WHRN: variants seen among roughly 807,000 people sequenced by gnomAD.
WHRN encodes the protein CASK-interacting protein CIP98.
Under a neutral mutation model 68.3 loss-of-function variants are expected in WHRN, and 41 were observed. That is an observed-to-expected ratio of 0.60 (90% confidence interval 0.47 to 0.78). The LOEUF (loss-of-function observed/expected upper bound fraction) is 0.78. Ranked by LOEUF, WHRN falls within the 30% of genes least tolerant of loss-of-function variation. The pLI is 0.00. For synonymous variants in WHRN, 560 were observed against 561.3 expected, an observed-to-expected ratio of 1.00 and a Z score of 0.03; for missense variants, 1,243 against 1,244.7, an observed-to-expected ratio of 1.00 and a Z score of 0.02.
At chr9:114,412,133 C>A (rs1362940282) in intron 7 of WHRN, among the ~76,000 whole-genome samples, 1 of 152,192 alleles carries the variant, frequency 6.6e-6, no homozygotes, top group Middle Eastern at 3.2e-3. Flanking sequence ...CGGAGCCCAG[C>A]CCTCTGAGCC....
At chr9:114,426,576 T>C (rs553089872) in intron 3 of WHRN, among the ~76,000 whole-genome samples, 163 bp from the exon 4 acceptor site, 89 of 152,298 alleles carry the variant, frequency 5.8e-4, no homozygotes, top group South Asian at 1.2e-3. Context: ...AGCAAGTCAA[T>C]AGCAGTGCTG....
chr9:114,411,021 G>A (rs1325238698), intron 7 of WHRN, among the ~76,000 whole-genome samples: 1 of 152,242 alleles, frequency 6.6e-6, no homozygotes, highest in Non-Finnish European at 1.5e-5. Context: ...CTTAGGCAGT[G>A]GACATGTTAA....
intron 1 of WHRN, among the ~76,000 whole-genome samples, chr9:114,502,873 G>T (rs1466845558): frequency 6.6e-6 from 1 of 152,218 alleles, no homozygotes; most frequent in African/African-American, 2.4e-5. Flanking sequence ...TATATGGAAT[G>T]CTAAACAAAG....
Position 114,504,992 on chromosome 9 carries a change from G to A in WHRN, c.-191C>T, listed in dbSNP as rs1237345822. The A allele has an allele frequency of 2.5e-6, 2 of 806,630 alleles. No homozygotes were observed. The highest frequency in any genetic ancestry group is 7.0e-5 in the East Asian group (2 of 28,464). The allele number at this position is 806,630 out of a possible 1,614,324, so 50.0% of individuals were successfully genotyped here. ...AGACCGCTGCTAGAGTCCCGGAGGC[G>A]CGAAGACGGCGGGGGTCGCGAACCT... On this transcript the variant is annotated 5_prime_UTR_variant, in exon 1 of 12. Coordinates refer to ENST00000362057, the MANE Select transcript of WHRN (RefSeq NM_015404.4).
rs75714247 is a variant in WHRN, at chr9:114,417,508, A to G, written c.1626+5806T>C. Among the ~76,000 whole-genome samples, 694 of 152,278 alleles carry G rather than the reference A, an allele frequency of 4.6e-3. 3 individuals carry two copies. Among genetic ancestry groups the G allele is most frequent in the African/African-American group, 0.016 (660 of 41,554 alleles). ...TCTGTTCCACACTTTCTGGGCCTCCATTTTGCACCAGCTCTCGCTGTTTAT... is the reference window on the plus strand; with the variant it reads ...TCTGTTCCACACTTTCTGGGCCTCCGTTTTGCACCAGCTCTCGCTGTTTAT... On this transcript the variant is annotated intron_variant, in intron 7 of 11. Transcript: ENST00000362057.
intron 1 of WHRN, among the ~76,000 whole-genome samples, chr9:114,500,860 C>A (rs570690553): frequency 6.6e-6 from 1 of 152,292 alleles, no homozygotes; most frequent in South Asian, 2.1e-4. Flanking sequence ...AGTGTATAAC[C>A]CATCAATTTC....
chr9:114,469,017 C>T (rs147796388), intron 2 of WHRN, among the ~76,000 whole-genome samples: 181 of 152,354 alleles, frequency 1.2e-3, no homozygotes, highest in African/African-American at 4.0e-3. Context: ...CTTCACCTCT[C>T]TGTGCCTCAG....
At chr9:114,488,658 G>T (rs1264438645) in intron 1 of WHRN, among the ~76,000 whole-genome samples, 1 of 152,218 alleles carries the variant, frequency 6.6e-6, no homozygotes, top group East Asian at 1.9e-4. Context: ...GGACTGGAAA[G>T]TCCCTTCCCA....
intron 4 of WHRN, chr9:114,425,878 C>T: frequency 2.5e-6 from 1 of 398,892 alleles, no homozygotes. Context: ...CCCTCTCCCT[C>T]CCTCTCTTTC....
intron 3 of WHRN, among the ~76,000 whole-genome samples, chr9:114,447,268 A>T (rs1838908006): frequency 6.6e-6 from 1 of 152,138 alleles, no homozygotes; most frequent in Non-Finnish European, 1.5e-5. Flanking sequence ...AGGGCCGTGC[A>T]GTGGCCACAG....
intron 1 of WHRN, among the ~76,000 whole-genome samples, chr9:114,491,028 T>C (rs10759711): frequency 4.0e-4 from 61 of 152,030 alleles, no homozygotes; most frequent in Non-Finnish European, 8.1e-4. Flanking sequence ...AAGAACAAGA[T>C]TCTCAGAGTC....
At chr9:114,405,582 G>A (rs1467298396) in intron 9 of WHRN, among the ~76,000 whole-genome samples, 2 of 152,196 alleles carry the variant, frequency 1.3e-5, no homozygotes, top group East Asian at 3.9e-4. Context: ...TCTAGAGACA[G>A]CAGTGATCCA....
intron 2 of WHRN, among the ~76,000 whole-genome samples, chr9:114,469,874 T>G (rs761308071): frequency 5.3e-5 from 8 of 152,214 alleles, no homozygotes; most frequent in Admixed American, 3.3e-4. Context: ...CTCTTCCAGC[T>G]TCTAGGGGCC....
At position 114,423,466 on chromosome 9, in the gene WHRN, C is replaced by T. The variant is rs375229693; in HGVS notation, c.1474G>A (p.Asp492Asn). The part of the protein sequence containing the change: ...TISPQDLERF[D>N]HLVLRREIES... ...ATCTCACGCCTCAGCACCAGGTGGT[C>T]GAAGCGTTCTAGGTCTTGCGGGGAA... The change falls in exon 7 of 12, where the codon GAC (aspartate) becomes AAC (asparagine). Residue 492 changes from aspartate to asparagine, a missense_variant. Transcript: ENST00000362057. 18 of 1,613,894 alleles carry T rather than the reference C, an allele frequency of 1.1e-5. No individual in the cohort carries two copies. The highest frequency in any genetic ancestry group is 1.6e-4 in the Middle Eastern group (1 of 6,082).
At chr9:114,428,625 C>A (rs568268923) in intron 3 of WHRN, among the ~76,000 whole-genome samples, 12 of 152,342 alleles carry the variant, frequency 7.9e-5, no homozygotes, top group African/African-American at 2.6e-4. Context: ...CTGCTTTCTA[C>A]TGCTGGGCTG....
chr9:114,428,468 C>T (rs1052120997), intron 3 of WHRN, among the ~76,000 whole-genome samples: 4 of 152,318 alleles, frequency 2.6e-5, no homozygotes, highest in African/African-American at 7.2e-5. Context: ...ATATCACCAA[C>T]ATCCTATAAA....
At chr9:114,430,836 T>C (rs1254827174) in intron 3 of WHRN, among the ~76,000 whole-genome samples, 1 of 152,198 alleles carries the variant, frequency 6.6e-6, no homozygotes, top group African/African-American at 2.4e-5. Flanking sequence ...CTCTCCTGTC[T>C]CTTCTTCCTC....
At chr9:114,461,574 C>T (rs576270685) in intron 3 of WHRN, among the ~76,000 whole-genome samples, 1 of 152,380 alleles carries the variant, frequency 6.6e-6, no homozygotes, top group Admixed American at 6.5e-5. Flanking sequence ...CTTCTCCCCA[C>T]CTGGCTTTCC....
intron 1 of WHRN, among the ~76,000 whole-genome samples, chr9:114,489,384 C>T (rs1190781650): frequency 1.3e-5 from 2 of 152,098 alleles, no homozygotes; most frequent in Non-Finnish European, 2.9e-5. Flanking sequence ...ATTAATTTCT[C>T]CTTTTGCCTT....
Sources: gnomAD v4.1 joint callset for allele counts (sites outside exome capture counted in the v4.1 genomes callset) on GRCh38, gnomAD v4.1.1 for gene constraint, MANE v1.5 for transcripts, NCBI Gene and HGNC (gene_info 2026-07-23, HGNC 2026-07-21) for gene names.